The following DUSP22 variants were observed in gnomAD, a reference collection of about 807,000 sequenced individuals.
DUSP22 encodes the protein dual specificity protein phosphatase 22.
DUSP22 carries 24 observed loss-of-function variants against 24.5 expected under a neutral mutation model. The ratio of observed to expected loss-of-function variants is 0.98; its 90% confidence interval spans 0.71 to 1.38. DUSP22 has a LOEUF of 1.38. Ranked by LOEUF, DUSP22 falls within the 40% of genes most tolerant of loss-of-function variation. DUSP22 has a pLI of 0.00. For synonymous variants in DUSP22, 160 were observed against 106.4 expected (o/e 1.50, Z -3.10); for missense variants, 330 against 269.2 (o/e 1.23, Z -1.58).
intron 6 of DUSP22, chr6:348,509 A>G: frequency 1.2e-6 from 1 of 851,388 alleles, no homozygotes; most frequent in South Asian, 1.8e-5. Context: ...ACTCCCTACT[A>G]GTTTGTTTCT....
chr6:299,220 T>C (rs549556938), intron 1 of DUSP22, among the ~76,000 whole-genome samples: 7 of 152,428 alleles, frequency 4.6e-5, no homozygotes, highest in African/African-American at 1.7e-4. Flanking sequence ...TTCTTGCTTC[T>C]GGCTTGAGCT....
intron 2 of DUSP22, among the ~76,000 whole-genome samples, chr6:311,293 C>T (rs955531965): frequency 6.6e-6 from 1 of 152,298 alleles, no homozygotes; most frequent in Non-Finnish European, 1.5e-5. Flanking sequence ...ATTACAGAGG[C>T]CTTTCTGCAC....
At position 351,091 on chromosome 6, in the gene DUSP22, C is replaced by T. The variant is rs1760190443; in HGVS notation, c.*2140C>T. 2.8e-6 allele frequency: 2 copies of T among 712,210 alleles called. No homozygotes were observed. Among genetic ancestry groups the T allele is most frequent in the Non-Finnish European group, 4.5e-6 (2 of 449,134 alleles). 44.1% of individuals were successfully genotyped at this position (712,210 alleles called of 1,614,324 possible). ...CCCACTGCTGTGGAGGTTTCTGTAC[C>T]TCGCTTGGATGCCTGTAAGGATCCC... is the stretch of plus-strand genomic sequence containing the variant. On this transcript the variant is annotated 3_prime_UTR_variant, in exon 7 of 7. Coordinates refer to ENST00000419235, the MANE Select transcript of DUSP22 (RefSeq NM_001286555.3).
chr6:323,053 C>T (rs544050178), intron 3 of DUSP22, among the ~76,000 whole-genome samples: 6 of 152,414 alleles, frequency 3.9e-5, no homozygotes, highest in Admixed American at 2.6e-4. Context: ...GCAGGTGGAC[C>T]TTGTGTTTGC....
intron 3 of DUSP22, among the ~76,000 whole-genome samples, chr6:322,829 G>GT (rs1554100348): frequency 8.0e-4 from 69 of 85,856 alleles, no homozygotes; most frequent in African/African-American, 2.8e-3. Flanking sequence ...TGGCTGCTTG[G>GT]TGGGGCGGGG....
chr6:315,390 C>T (rs1478529889), intron 3 of DUSP22, among the ~76,000 whole-genome samples: 1 of 152,420 alleles, frequency 6.6e-6, no homozygotes, highest in South Asian at 2.1e-4. Context: ...CGTTGGGAGA[C>T]AGGAAAGGAC....
chr6:333,096 G>A (rs548121820), intron 3 of DUSP22, among the ~76,000 whole-genome samples: 10 of 152,420 alleles, frequency 6.6e-5, no homozygotes, highest in African/African-American at 9.6e-5. Context: ...GTTTTCCCTT[G>A]AAGTCCGAGC....
In DUSP22 at chr6:350,515, C is replaced by T. The variant is rs907494742; in HGVS notation, c.*1564C>T. ...TTTCCTGTGCATATAGAGGGTGTGT[C>T]AAAGGTGAGCTTTTTGGGGACCGGG... On this transcript the variant is annotated 3_prime_UTR_variant, in exon 7 of 7. Transcript: ENST00000419235. 6.9e-6 allele frequency: 9 copies of T among 1,308,938 alleles called. No homozygotes were observed. Among genetic ancestry groups the T allele is most frequent in the Non-Finnish European group, 8.8e-6 (9 of 1,026,302 alleles). 81.1% of individuals were successfully genotyped at this position (1,308,938 alleles called of 1,614,324 possible).
intron 2 of DUSP22, among the ~76,000 whole-genome samples, chr6:309,482 A>G (rs1416638639): frequency 6.6e-6 from 1 of 152,308 alleles, no homozygotes; most frequent in Non-Finnish European, 1.5e-5. Context: ...AGCAATGAAA[A>G]GAGTCTTAAA....
chr6:331,294 ATTTTATCT>A (rs1161892168), intron 3 of DUSP22, among the ~76,000 whole-genome samples: 1 of 152,298 alleles, frequency 6.6e-6, no homozygotes, highest in Non-Finnish European at 1.5e-5. Flanking sequence ...AAGACAACCC[ATTTTATCT>A]TTACTTTTTC....
intron 3 of DUSP22, among the ~76,000 whole-genome samples, chr6:333,819 T>C (rs1035293006): frequency 6.6e-6 from 1 of 152,296 alleles, no homozygotes; most frequent in African/African-American, 2.4e-5. Flanking sequence ...TCCCACTCAG[T>C]AGCTGCCGAT....
At chr6:314,769 A>G (rs1277206002) in intron 3 of DUSP22, among the ~76,000 whole-genome samples, 5 of 152,300 alleles carry the variant, frequency 3.3e-5, no homozygotes, top group Non-Finnish European at 5.9e-5. Flanking sequence ...CCCCCATGGA[A>G]CATGTCCTGT....
In DUSP22 at chr6:350,657, G is replaced by A. The variant is rs1760156118; in HGVS notation, c.*1706G>A. The A allele has an allele frequency of 7.3e-6, 11 of 1,511,286 alleles. No individual in the cohort carries two copies. Among genetic ancestry groups the A allele is most frequent in the East Asian group, 4.9e-5 (2 of 41,154 alleles). 93.6% of individuals were successfully genotyped at this position (1,511,286 alleles called of 1,614,324 possible). On this transcript the variant is annotated 3_prime_UTR_variant, in exon 7 of 7. Transcript: ENST00000419235. ...ACAGCTAAAACAATTTGCCAATAAA[G>A]TACATGTTTTTCCTAAGCCAAAAAT... is the stretch of plus-strand genomic sequence containing the variant.
intron 1 of DUSP22, among the ~76,000 whole-genome samples, chr6:295,179 A>G (rs1298859453): frequency 6.6e-6 from 1 of 152,306 alleles, no homozygotes; most frequent in Non-Finnish European, 1.5e-5. Flanking sequence ...TGTCTTTGGA[A>G]CTAACATAAC....
intron 5 of DUSP22, among the ~76,000 whole-genome samples, chr6:346,242 G>T (rs1416344464): frequency 1.2e-4 from 19 of 152,298 alleles, no homozygotes; most frequent in Admixed American, 1.2e-3. Context: ...CATCAGAACA[G>T]CCTCTTACAG....
intron 3 of DUSP22, among the ~76,000 whole-genome samples, chr6:322,358 G>A (rs1206445907): frequency 6.6e-6 from 1 of 152,302 alleles, no homozygotes; most frequent in Non-Finnish European, 1.5e-5. Context: ...CCCTTGTGTG[G>A]GTTCTAGTTA....
intron 4 of DUSP22, among the ~76,000 whole-genome samples, chr6:343,138 C>CT (rs1759688818): frequency 6.6e-6 from 1 of 152,302 alleles, no homozygotes; most frequent in South Asian, 2.1e-4. Flanking sequence ...AGCAGGAATC[C>CT]TTTCTTGCCT....
At chr6:314,893 T>C (rs1231176133) in intron 3 of DUSP22, among the ~76,000 whole-genome samples, 2 of 152,310 alleles carry the variant, frequency 1.3e-5, no homozygotes, top group African/African-American at 4.8e-5. Context: ...ATTTGGGTAA[T>C]TTGTTGGGGG....
At chr6:295,899 C>T (rs1305209835) in intron 1 of DUSP22, among the ~76,000 whole-genome samples, 1 of 151,950 alleles carries the variant, frequency 6.6e-6, no homozygotes, top group East Asian at 1.9e-4. Context: ...TGAGGTCAAA[C>T]GACCTTATAT....
Sources: allele counts gnomAD v4.1 joint callset (sites outside exome capture counted in the v4.1 genomes callset), GRCh38; gene constraint gnomAD v4.1.1; transcripts MANE v1.5; gene names NCBI Gene and HGNC (gene_info 2026-07-23, HGNC 2026-07-21).